MAGI2: variants seen among roughly 807,000 people sequenced by gnomAD.
The protein encoded by MAGI2 is membrane-associated guanylate kinase, WW and PDZ domain-containing protein 2.
A neutral mutation model predicts 133.3 loss-of-function variants in MAGI2; 35 were observed. The ratio of observed to expected loss-of-function variants is 0.26; its 90% CI spans 0.20 to 0.35. The LOEUF is 0.35. Ranked by LOEUF, MAGI2 falls within the 10% of genes least tolerant of loss-of-function variation. The probability of loss-of-function intolerance (pLI) is 1.00; values close to 1 mark genes in which losing one functional copy is unlikely to be tolerated. For synonymous variants in MAGI2, 729 were observed against 710.6 expected, an observed-to-expected ratio of 1.03 and a Z score of -0.41; for missense variants, 1,636 against 1,863.4, an observed-to-expected ratio of 0.88 and a Z score of 2.25.
chr7:78,531,215 G>GTTTT (rs373643954), intron 3 of MAGI2, among the ~76,000 whole-genome samples: 3 of 135,670 alleles, frequency 2.2e-5, no homozygotes, highest in Admixed American at 7.4e-5. Context: ...TATTAATTAA[G>GTTTT]TTTTTTTTTT....
chr7:78,592,225 A>T (rs1038109471), intron 3 of MAGI2, among the ~76,000 whole-genome samples: 1 of 152,244 alleles, frequency 6.6e-6, no homozygotes, highest in Non-Finnish European at 1.5e-5. Context: ...TCTGAAACAA[A>T]TATATTTTTA....
At chr7:79,044,914 A>C (rs569355120) in intron 1 of MAGI2, among the ~76,000 whole-genome samples, 6 of 152,246 alleles carry the variant, frequency 3.9e-5, no homozygotes, top group Non-Finnish European at 7.3e-5. Context: ...ACTACACTGC[A>C]ATTCTAATCC....
At chr7:78,334,285 A>C (rs2691538) in intron 9 of MAGI2, among the ~76,000 whole-genome samples, 75,573 of 151,918 alleles carry the variant, frequency 0.5, 19,096 homozygotes, top group Middle Eastern at 0.53. Flanking sequence ...GTAACTACTC[A>C]TCGGAGAGCA....
At chr7:78,074,071 C>T (rs1815013105) in intron 21 of MAGI2, among the ~76,000 whole-genome samples, 1 of 152,182 alleles carries the variant, frequency 6.6e-6, no homozygotes, top group African/African-American at 2.4e-5. Context: ...TTATCATTTT[C>T]CGACTCCTCT....
chr7:78,299,812 C>A (rs1030439743), intron 9 of MAGI2, among the ~76,000 whole-genome samples: 2 of 152,068 alleles, frequency 1.3e-5, no homozygotes, highest in Admixed American at 6.6e-5. Flanking sequence ...TCGTCTTATT[C>A]TTTTTGTTTT....
intron 1 of MAGI2, among the ~76,000 whole-genome samples, chr7:79,118,772 T>C (rs765208594): frequency 1.7e-4 from 26 of 152,128 alleles, no homozygotes; most frequent in Admixed American, 7.2e-4. Flanking sequence ...TCCTCCCTGA[T>C]TCCACTGGCC....
At chr7:78,354,453 A>G (rs942816531) in intron 7 of MAGI2, among the ~76,000 whole-genome samples, 1 of 152,210 alleles carries the variant, frequency 6.6e-6, no homozygotes, top group African/African-American at 2.4e-5. Context: ...GGCAAAGGCA[A>G]CATCACTGAT....
rs1396167772 is a variant in MAGI2, at chr7:78,277,043, TTAAC to T, written c.1409-20466_1409-20463del. 2.6e-5 allele frequency among the ~76,000 whole-genome samples: 4 copies of T among 152,336 alleles called. No homozygotes were observed. The Middle Eastern group carries it at 0.01, about 389-fold the overall frequency. ...TTAAATTAGTTCTATTTTTACTAATTTAACTACTAGTTGTAGTTTCTAATCAGCA... is the reference window on the plus strand; with the variant it reads ...TTAAATTAGTTCTATTTTTACTAATTTACTAGTTGTAGTTTCTAATCAGCA... On this transcript the variant is annotated intron_variant, in intron 9 of 21. Transcript: ENST00000354212.
chr7:78,711,014 T>C (rs1335323309), intron 2 of MAGI2, among the ~76,000 whole-genome samples: 1 of 152,196 alleles, frequency 6.6e-6, no homozygotes, highest in African/African-American at 2.4e-5. Flanking sequence ...TAAGTCTTTA[T>C]AAATTCTCTT....
intron 20 of MAGI2, among the ~76,000 whole-genome samples, chr7:78,114,402 G>A (rs1819657045): frequency 6.6e-6 from 1 of 152,284 alleles, no homozygotes; most frequent in African/African-American, 2.4e-5. Context: ...CTGTGCCCAC[G>A]TGACAGTCTT....
intron 9 of MAGI2, among the ~76,000 whole-genome samples, chr7:78,320,332 C>T (rs1381091814): frequency 1.3e-5 from 2 of 152,058 alleles, no homozygotes; most frequent in Non-Finnish European, 2.9e-5. Flanking sequence ...AAGGAAATTT[C>T]AGGCCAATAT....
intron 2 of MAGI2, among the ~76,000 whole-genome samples, chr7:78,952,951 C>T (rs747329779): frequency 1.6e-4 from 25 of 152,062 alleles, no homozygotes; most frequent in Non-Finnish European, 2.9e-4. Context: ...TTTTGGAATG[C>T]TTATTGTTTG....
At chr7:78,744,872 A>T (rs564959781) in intron 2 of MAGI2, among the ~76,000 whole-genome samples, 1 of 152,332 alleles carries the variant, frequency 6.6e-6, no homozygotes, top group East Asian at 1.9e-4. Context: ...TAGCAGAAAC[A>T]AACCACAGTA....
At chr7:78,168,191 C>T (rs370957336) in intron 14 of MAGI2, 83 bp from the exon 15 acceptor site, 32 of 1,290,006 alleles carry the variant, frequency 2.5e-5, no homozygotes, top group African/African-American at 7.4e-5. Context: ...AGTCTCGCTT[C>T]GTTGCCCAAG....
intron 2 of MAGI2, among the ~76,000 whole-genome samples, chr7:78,826,394 AG>A (rs1266479907): frequency 6.6e-6 from 1 of 151,856 alleles, no homozygotes; most frequent in Non-Finnish European, 1.5e-5. Flanking sequence ...TAAGTAAAAA[AG>A]AAAACAGTGT....
intron 20 of MAGI2, among the ~76,000 whole-genome samples, chr7:78,084,041 C>A (rs11761568): frequency 0.19 from 28,329 of 152,086 alleles, 2,662 homozygotes; most frequent in South Asian, 0.24. Flanking sequence ...GCTTGGACAT[C>A]GTTACAAACG....
At chr7:79,095,364 C>T (rs974848363) in intron 1 of MAGI2, among the ~76,000 whole-genome samples, 3 of 152,168 alleles carry the variant, frequency 2.0e-5, no homozygotes, top group African/African-American at 7.2e-5. Context: ...TCACTGGAGT[C>T]GCACTTTTAA....
Position 78,019,842 on chromosome 7 carries a change from T to C in MAGI2, c.3841A>G (p.Ser1281Gly). 1 of 1,613,482 alleles carries C rather than the reference T, an allele frequency of 6.2e-7. No individual in the cohort carries two copies. Among genetic ancestry groups the C allele is most frequent in the Non-Finnish European group, 8.5e-7 (1 of 1,179,882 alleles). The change falls in exon 22 of 22, where the codon AGC (serine) becomes GGC (glycine). Residue 1281 changes from serine to glycine, a missense_variant. By Grantham distance (56) the Ser-to-Gly change is moderately conservative (BLOSUM62 0). Transcript: ENST00000354212. The stretch of plus-strand genomic sequence containing the variant: ...TTGATATCCCAAGTTGGGCCTGGGC[T>C]TATCTGGTGGGAAGGGTCGGAGGGT... ...APPSDPSHQI[S>G]PGPTWDIKRE...
intron 2 of MAGI2, among the ~76,000 whole-genome samples, chr7:79,001,098 G>C (rs183149800): frequency 2.6e-3 from 396 of 152,238 alleles, no homozygotes; most frequent in Middle Eastern, 3.4e-3. Flanking sequence ...TGTATTTTTA[G>C]TAGAAATGGG....
Sources: gnomAD v4.1 joint callset for allele counts (sites outside exome capture counted in the v4.1 genomes callset) on GRCh38, gnomAD v4.1.1 for gene constraint, MANE v1.5 for transcripts, NCBI Gene and HGNC (gene_info 2026-07-23, HGNC 2026-07-21) for gene names.